Variants in TYMS observed in about 807,000 individuals in gnomAD.
TYMS encodes thymidylate synthase.
A neutral mutation model predicts 39.3 loss-of-function variants in TYMS; 21 were observed. The observed-to-expected ratio is 0.54, with a 90% CI of 0.38 to 0.77. The LOEUF (loss-of-function observed/expected upper bound fraction) is 0.77. Among genes scored for constraint, TYMS ranks in the 30% least tolerant of loss-of-function variants. The pLI is 0.00. For synonymous variants in TYMS, 171 were observed against 162.2 expected (o/e 1.05, Z -0.41); for missense variants, 273 against 406.7 (o/e 0.67, Z 2.83).
At chr18:671,785 CTTT>C (rs58489074) in intron 6 of TYMS, 57 of 245,542 alleles carry the variant, frequency 2.3e-4, no homozygotes, top group Non-Finnish European at 3.8e-4. Flanking sequence ...TTTTCCTTTT[CTTT>C]TTTTTTTGAG....
intron 3 of TYMS, among the ~76,000 whole-genome samples, chr18:667,147 GGT>G (rs1176657664): frequency 5.0e-5 from 5 of 99,908 alleles, no homozygotes; most frequent in Admixed American, 2.7e-4. Flanking sequence ...TGATGGTGAT[GGT>G]GATGGTGATG....
At chr18:664,136 T>C (rs533174888) in intron 3 of TYMS, among the ~76,000 whole-genome samples, 2 of 151,886 alleles carry the variant, frequency 1.3e-5, no homozygotes, top group South Asian at 4.2e-4. Flanking sequence ...ATATTGATTC[T>C]TCCTACCCAT....
In TYMS at chr18:672,937, A is replaced by G; in HGVS notation, c.882A>G (p.Glu294=). The G allele has an allele frequency of 6.3e-7, 1 of 1,597,268 alleles. No individual in the cohort carries two copies. The highest frequency in any genetic ancestry group is 8.6e-7 in the Non-Finnish European group (1 of 1,166,948). ...KVEKIDDFKA[E]DFQIEGYNPH... ...AGAAAATTGATGACTTCAAAGCTGA[A>G]GACTTTCAGATTGAAGGGTACAATC... The change falls in exon 7 of 7, where the codon GAA becomes GAG. Residue 294 remains glutamate (E), a synonymous_variant. Coordinates refer to ENST00000323274, the MANE Select transcript of TYMS (RefSeq NM_001071.4).
intron 6 of TYMS, 48 bp downstream of exon 6, chr18:671,499 A>AGAG: frequency 8.2e-7 from 1 of 1,221,208 alleles, no homozygotes; most frequent in Non-Finnish European, 1.2e-6. Flanking sequence ...TCTCTTGATA[A>AGAG]AAGGTTGACT....
intron 4 of TYMS, 194 bp downstream of exon 4, chr18:669,367 T>C (rs1284107353): frequency 2.4e-5 from 1 of 41,706 alleles, no homozygotes; most frequent in Non-Finnish European, 3.9e-5. Context: ...GCCCAGAGGA[T>C]TTTTTTTTTT....
chr18:666,969 T>TGATGGTGATGGA (rs2074841687), intron 3 of TYMS, among the ~76,000 whole-genome samples: 1 of 13,962 alleles, frequency 7.2e-5, no homozygotes, highest in African/African-American at 3.6e-4. Context: ...ATGGAGATGG[T>TGATGGTGATGGA]GATGGAGATG....
At position 657,778 on chromosome 18, in the gene TYMS, C is replaced by G; in HGVS notation, c.36C>G (p.Pro12=). The part of the protein sequence containing the change: ...PVAGSELPRR[P]LPPAAQERDA... The stretch of plus-strand genomic sequence containing the variant: ...CCGGCTCGGAGCTGCCGCGCCGGCC[C>G]TTGCCCCCCGCCGCACAGGAGCGGG... Residue 12 remains proline (P), a synonymous_variant, in exon 1 of 7, where the codon CCC becomes CCG. Coordinates refer to ENST00000323274, the MANE Select transcript of TYMS (RefSeq NM_001071.4). 3 of 1,448,634 alleles carry G rather than the reference C, an allele frequency of 2.1e-6. No homozygotes were observed. Among genetic ancestry groups the G allele is most frequent in the Non-Finnish European group, 1.8e-6 (2 of 1,108,028 alleles). 89.7% of individuals were successfully genotyped at this position (1,448,634 alleles called of 1,614,324 possible).
At chr18:667,650 G>A (rs1440014645) in intron 3 of TYMS, 6 of 152,096 alleles carry the variant, frequency 3.9e-5, no homozygotes, top group African/African-American at 9.7e-5. Context: ...CATCAGGAAC[G>A]TGCTTAATGC....
In TYMS at chr18:670,783, G is replaced by A. The variant is rs377521322; in HGVS notation, c.648G>A (p.Ser216=). Residue 216 remains serine (S), a synonymous_variant, in exon 5 of 7, where the codon TCG becomes TCA. Coordinates refer to ENST00000323274, the MANE Select transcript of TYMS (RefSeq NM_001071.4). ...SELSCQLYQR[S]GDMGLGVPFN... is the part of the protein sequence containing the mutation. ...TGTCCTGCCAGCTGTACCAGAGATC[G>A]GGAGACATGGGCCTCGGTGTGCCTT... The A allele has an allele frequency of 1.4e-5, 23 of 1,613,980 alleles. No homozygotes were observed. The highest frequency in any genetic ancestry group is 4.4e-5 in the South Asian group (4 of 91,078).
chr18:670,400 G>A, intron 4 of TYMS: 1 of 313,656 alleles, frequency 3.2e-6, no homozygotes. Context: ...AATTATTCCT[G>A]CTGTATTTGT....
At chr18:670,995 A>C (rs2612098) in intron 5 of TYMS, 128 bp downstream of exon 5, 570,901 of 1,167,480 alleles carry the variant, frequency 0.49, 143,798 homozygotes, top group African/African-American at 0.78. Flanking sequence ...GTAAGTAAGA[A>C]ATGAACCAGC....
intron 6 of TYMS, chr18:672,556 T>A (rs1001366702): frequency 1.4e-5 from 3 of 212,492 alleles, no homozygotes; most frequent in Non-Finnish European, 2.8e-5. Context: ...GAGTTACAGA[T>A]TGACTGTGTT....
chr18:661,996 AG>A (rs1186391952), intron 2 of TYMS, 149 bp from the exon 3 acceptor site: 4 of 763,710 alleles, frequency 5.2e-6, no homozygotes, highest in Non-Finnish European at 8.0e-6. Context: ...AACAAAAAAA[AG>A]GATGGGTTCC....
At chr18:670,580 T>C (rs1177996677) in intron 4 of TYMS, 112 bp from the exon 5 acceptor site, 4 of 1,187,284 alleles carry the variant, frequency 3.4e-6, no homozygotes, top group Non-Finnish European at 3.6e-6. Context: ...TGGCTCTCTC[T>C]CCTGGTCTCC....
Position 662,306 on chromosome 18 carries a change from G to A in TYMS, c.440G>A (p.Arg147Lys), listed in dbSNP as rs200442141. The change falls in exon 3 of 7, where the codon AGA becomes AAA. Residue 147 changes from arginine (R) to lysine (K), a missense_variant. Arg to Lys is a conservative substitution (Grantham distance 26, BLOSUM62 2). This residue lies in a region of TYMS where 228 missense variants were observed against 326.1 expected (regional missense o/e 0.70). Transcript: ENST00000323274. ...TGGAGGCATTTTGGGGCAGAATACA[G>A]AGATATGGAATCAGGTGAGGAGATA... ...FQWRHFGAEY[R>K]DMESDYSGQG... The A allele has an allele frequency of 6.2e-7, 1 of 1,611,682 alleles. No individual in the cohort carries two copies. The highest frequency in any genetic ancestry group is 1.7e-5 in the Admixed American group (1 of 59,200).
rs1337198820 is a variant in TYMS at position 657,758 on chromosome 18, T to G, written c.16T>G (p.Ser6Ala). 11 of 1,419,654 alleles carry G rather than the reference T, an allele frequency of 7.7e-6. No homozygotes were observed. Among genetic ancestry groups the G allele is most frequent in the Non-Finnish European group, 1.0e-5 (11 of 1,096,826 alleles). 87.9% of individuals were successfully genotyped at this position (1,419,654 alleles called of 1,614,324 possible). Residue 6 changes from serine to alanine, a missense_variant, in exon 1 of 7, where the codon TCG becomes GCG. Physicochemically the swap from Ser to Ala is moderately conservative, Grantham distance 99 (BLOSUM62 1). Transcript: ENST00000323274. MPVAGSELPRRPLPPA... is the reference protein window; with the variant it reads MPVAGAELPRRPLPPA... ...CCGCCGCGCCATGCCTGTGGCCGGC[T>G]CGGAGCTGCCGCGCCGGCCCTTGCC...
At chr18:657,969 G>C in intron 1 of TYMS, 22 bp downstream of exon 1, 1 of 1,509,344 alleles carries the variant, frequency 6.6e-7, no homozygotes. Context: ...GGCCCCTGCG[G>C]GACGGGTGGC....
In TYMS at chr18:673,301, G is replaced by T. The variant is rs976533653; in HGVS notation, c.*304G>T. Reference sequence around the variant, plus strand: ...ACATGTATGTGCATTTCAATCCCACGTACTTATAAAGAAGGTTGGTGAATT... The same window carrying T: ...ACATGTATGTGCATTTCAATCCCACTTACTTATAAAGAAGGTTGGTGAATT... On this transcript the variant is annotated 3_prime_UTR_variant, in exon 7 of 7. Coordinates refer to ENST00000323274, the MANE Select transcript of TYMS (RefSeq NM_001071.4). 4.0e-6 allele frequency: 1 copy of T among 250,242 alleles called. No homozygotes were observed. The highest frequency in any genetic ancestry group is 7.7e-6 in the Non-Finnish European group (1 of 130,220). 15.5% of individuals were successfully genotyped at this position (250,242 alleles called of 1,614,324 possible). A position where few individuals can be genotyped will look rare whatever the true frequency, so the allele number is the denominator to read the frequency against.
chr18:666,951 TGATGGAGATGGAGATGGTGATGGA>T (rs1567989592), intron 3 of TYMS, among the ~76,000 whole-genome samples: 794 of 21,206 alleles, frequency 0.037, 101 homozygotes, highest in Middle Eastern at 0.056. Flanking sequence ...ATGGTGATGG[TGATGGAGATGGAGATGGTGATGGA>T]GATGGAGATG....
Sources: allele counts gnomAD v4.1 joint callset (sites outside exome capture counted in the v4.1 genomes callset), GRCh38; gene constraint gnomAD v4.1.1; regional missense constraint gnomAD v4.1.1; transcripts MANE v1.5; gene names NCBI Gene and HGNC (gene_info 2026-07-23, HGNC 2026-07-21).